GFRA1: variants seen among roughly 807,000 people sequenced by gnomAD.
The protein encoded by GFRA1 is GDNF family receptor alpha 1, also known as GDNF family receptor alpha-1.
GFRA1 carries 16 observed loss-of-function variants against 51.6 expected under a neutral mutation model. That is an observed-to-expected ratio of 0.31 (90% confidence interval 0.21 to 0.47). GFRA1 has a LOEUF of 0.47. Ranked by LOEUF, GFRA1 falls within the 20% of genes least tolerant of loss-of-function variation. The pLI, the probability that GFRA1 is intolerant of heterozygous loss-of-function variation, is 1.00. For synonymous variants in GFRA1, 270 were observed against 241.3 expected, an observed-to-expected ratio of 1.12 and a Z score of -1.10; for missense variants, 530 against 594.3, an observed-to-expected ratio of 0.89 and a Z score of 1.13.
At chr10:116,082,479 GT>G (rs11284661) in intron 9 of GFRA1, among the ~76,000 whole-genome samples, 51,868 of 147,570 alleles carry the variant, frequency 0.35, 13,248 homozygotes, top group African/African-American at 0.72. Context: ...TGTTTTTTTT[GT>G]TTTTTTTTTG....
At chr10:116,228,986 A>G (rs1966506026) in intron 4 of GFRA1, among the ~76,000 whole-genome samples, 1 of 141,656 alleles carries the variant, frequency 7.1e-6, no homozygotes, top group South Asian at 2.2e-4. Flanking sequence ...ATCTCAAAAA[A>G]AAAAAAAAAA....
intron 5 of GFRA1, among the ~76,000 whole-genome samples, chr10:116,162,975 G>C (rs1387843013): frequency 1.3e-5 from 2 of 152,142 alleles, no homozygotes; most frequent in African/African-American, 4.8e-5. Context: ...CTCATTCTCT[G>C]TAACAGTCAC....
intron 4 of GFRA1, among the ~76,000 whole-genome samples, chr10:116,218,518 C>T (rs956665821): frequency 4.9e-4 from 75 of 152,300 alleles, no homozygotes; most frequent in African/African-American, 1.7e-3. Flanking sequence ...CTGTATCTCC[C>T]GGAGCATGGC....
chr10:116,187,662 T>G (rs550939482), intron 5 of GFRA1, among the ~76,000 whole-genome samples: 4 of 152,166 alleles, frequency 2.6e-5, no homozygotes, highest in African/African-American at 9.7e-5. Flanking sequence ...TTTAGGTTAA[T>G]ATTAAAATTC....
At chr10:116,263,236 T>C (rs1435869711) in intron 4 of GFRA1, among the ~76,000 whole-genome samples, 1 of 152,152 alleles carries the variant, frequency 6.6e-6, no homozygotes, top group Non-Finnish European at 1.5e-5. Context: ...GATGGGGCAA[T>C]GTGGTCTGCT....
intron 6 of GFRA1, among the ~76,000 whole-genome samples, chr10:116,114,492 G>A (rs570548184): frequency 9.8e-5 from 15 of 152,304 alleles, no homozygotes; most frequent in East Asian, 1.9e-4. Flanking sequence ...TCCACATGAC[G>A]TTTAGTGCTG....
At chr10:116,269,686 A>G in intron 3 of GFRA1, 100 bp from the exon 4 acceptor site, 1 of 756,370 alleles carries the variant, frequency 1.3e-6, no homozygotes, top group East Asian at 2.6e-5. Flanking sequence ...TGATTGTGTA[A>G]CAAAAAGACG....
intron 6 of GFRA1, among the ~76,000 whole-genome samples, chr10:116,100,950 T>C (rs886097834): frequency 6.6e-6 from 1 of 152,068 alleles, no homozygotes; most frequent in Non-Finnish European, 1.5e-5. Flanking sequence ...AGTGGGGCCC[T>C]GGTGGGAAAG....
chr10:116,071,194 G>A (rs983006702), intron 9 of GFRA1, among the ~76,000 whole-genome samples: 5 of 152,168 alleles, frequency 3.3e-5, no homozygotes, highest in African/African-American at 4.8e-5. Flanking sequence ...TCTGAGAAGG[G>A]GCTGGAGTAG....
chr10:116,234,470 T>C (rs1258992198), intron 4 of GFRA1, among the ~76,000 whole-genome samples: 1 of 152,172 alleles, frequency 6.6e-6, no homozygotes, highest in Non-Finnish European at 1.5e-5. Flanking sequence ...AAAAGAGACC[T>C]CACTCAAAGA....
intron 4 of GFRA1, among the ~76,000 whole-genome samples, chr10:116,238,018 C>G (rs1967035246): frequency 6.6e-6 from 1 of 152,204 alleles, no homozygotes; most frequent in Non-Finnish European, 1.5e-5. Flanking sequence ...CTCGACCAAG[C>G]AGACTCTGAA....
At chr10:116,203,679 C>T (rs568119186) in intron 5 of GFRA1, among the ~76,000 whole-genome samples, 229 of 152,272 alleles carry the variant, frequency 1.5e-3, no homozygotes, top group African/African-American at 5.2e-3. Context: ...TAATCTAGCC[C>T]GAGGACAAAC....
intron 5 of GFRA1, among the ~76,000 whole-genome samples, chr10:116,203,046 G>C (rs1964462783): frequency 6.6e-6 from 1 of 152,076 alleles, no homozygotes; most frequent in African/African-American, 2.4e-5. Flanking sequence ...CGATGGGGGA[G>C]GGGTGCTAGA....
At chr10:116,115,794 G>A (rs1474855061) in intron 6 of GFRA1, among the ~76,000 whole-genome samples, 1 of 152,186 alleles carries the variant, frequency 6.6e-6, no homozygotes, top group Non-Finnish European at 1.5e-5. Flanking sequence ...GGTTAGTTCA[G>A]GCCTGGGCTT....
intron 5 of GFRA1, among the ~76,000 whole-genome samples, chr10:116,198,128 C>A (rs1178986997): frequency 6.6e-6 from 1 of 152,160 alleles, no homozygotes; most frequent in East Asian, 1.9e-4. Flanking sequence ...GCCTAGGAAG[C>A]CCCAAACCAC....
intron 4 of GFRA1, chr10:116,255,517 A>AC (rs1968765493): frequency 2.5e-5 from 26 of 1,035,266 alleles, no homozygotes; most frequent in African/African-American, 8.5e-5. Context: ...CAAAAAAAAA[A>AC]ACACTAGGTT....
In GFRA1 at chr10:116,057,284, G is replaced by A. The variant is rs559189465; in HGVS notation, c.*7114C>T. ...AATATAACATGGAGACCCGCCCGAAGCCTAACTGGAGGCTTCTCAACAAAG... is the reference window on the plus strand; with the variant it reads ...AATATAACATGGAGACCCGCCCGAAACCTAACTGGAGGCTTCTCAACAAAG... On this transcript the variant is annotated 3_prime_UTR_variant, in exon 11 of 11. Coordinates refer to ENST00000355422, the MANE Select transcript of GFRA1 (RefSeq NM_005264.8). 2 of 152,268 alleles carry A rather than the reference G, an allele frequency of 1.3e-5. No homozygotes were observed. Among genetic ancestry groups the A allele is most frequent in the East Asian group, 3.9e-4 (2 of 5,166 alleles). The allele number at this position is 152,268 out of a possible 1,614,324, so 9.4% of individuals were successfully genotyped here.
chr10:116,230,958 T>C (rs1454035199), intron 4 of GFRA1, among the ~76,000 whole-genome samples: 1 of 151,924 alleles, frequency 6.6e-6, no homozygotes, highest in Non-Finnish European at 1.5e-5. Flanking sequence ...GAGAAGAGAA[T>C]GAGGAGGAAT....
At chr10:116,248,601 C>T (rs963458447) in intron 4 of GFRA1, among the ~76,000 whole-genome samples, 8 of 152,100 alleles carry the variant, frequency 5.3e-5, no homozygotes, top group African/African-American at 1.7e-4. Context: ...TCAAAACAAC[C>T]GAAAGTGACT....
Sources: gnomAD v4.1 joint callset for allele counts (sites outside exome capture counted in the v4.1 genomes callset) on GRCh38, gnomAD v4.1.1 for gene constraint, MANE v1.5 for transcripts, NCBI Gene and HGNC (gene_info 2026-07-23, HGNC 2026-07-21) for gene names.